The following HSPA12A variants were observed in gnomAD, a reference collection of about 807,000 sequenced individuals.
The protein encoded by HSPA12A is heat shock 70 kDa protein 12A.
HSPA12A carries 28 observed loss-of-function variants against 69.2 expected under a neutral mutation model. That is an observed-to-expected ratio of 0.40 (90% CI 0.30 to 0.55). The LOEUF is 0.55. Among genes scored for constraint, HSPA12A ranks in the 20% least tolerant of loss-of-function variants. HSPA12A has a pLI of 0.38. For missense variants in HSPA12A, 686 were observed against 900.7 expected (o/e 0.76, Z 3.05); for synonymous variants, 345 against 370.5 (o/e 0.93, Z 0.79).
chr10:116,808,438 G>A (rs1845110179), intron 2 of HSPA12A, among the ~76,000 whole-genome samples: 1 of 152,170 alleles, frequency 6.6e-6, no homozygotes, highest in Non-Finnish European at 1.5e-5. Context: ...GACCACGACT[G>A]TTTTGCAGTG....
intron 2 of HSPA12A, among the ~76,000 whole-genome samples, chr10:116,748,024 A>G (rs1851689175): frequency 6.6e-6 from 1 of 152,122 alleles, no homozygotes; most frequent in African/African-American, 2.4e-5. Flanking sequence ...TAAATAAATA[A>G]TGAAGTAGAA....
At chr10:116,834,654 C>T (rs900270626) in intron 2 of HSPA12A, among the ~76,000 whole-genome samples, 3 of 152,144 alleles carry the variant, frequency 2.0e-5, no homozygotes, top group Non-Finnish European at 4.4e-5. Flanking sequence ...ACAATCTGTG[C>T]GTGTGAGTGT....
chr10:116,721,675 G>A (rs149316708), intron 1 of HSPA12A, among the ~76,000 whole-genome samples: 58 of 151,888 alleles, frequency 3.8e-4, no homozygotes, highest in Non-Finnish European at 7.1e-4. Context: ...TCCCCTCCCC[G>A]GCACTGAAAT....
intron 1 of HSPA12A, among the ~76,000 whole-genome samples, chr10:116,732,957 G>A: frequency 6.6e-6 from 1 of 152,114 alleles, no homozygotes. Flanking sequence ...TTCCCCATCT[G>A]TAAAATGAGA....
chr10:116,694,014 C>T (rs1412938933), intron 5 of HSPA12A, among the ~76,000 whole-genome samples: 1 of 152,160 alleles, frequency 6.6e-6, no homozygotes, highest in Non-Finnish European at 1.5e-5. Flanking sequence ...TGGGAAGATT[C>T]TAAGCATGGC....
In HSPA12A at chr10:116,742,515, C is replaced by T. The variant is rs1554887361; in HGVS notation, c.-46G>A. ...CGAGGGGAGCCTCCAGCGCAGCGCC[C>T]GTGCCCGTGCGGGTCTCTGTCCGCG... is the stretch of plus-strand genomic sequence containing the variant. On this transcript the variant is annotated 5_prime_UTR_variant, in exon 1 of 12. Transcript: ENST00000369209. 15 of 1,231,542 alleles carry T rather than the reference C, an allele frequency of 1.2e-5. No homozygotes were observed. In the Middle Eastern group the frequency reaches 9.6e-4, roughly 79 times the overall value. 76.3% of individuals were successfully genotyped at this position (1,231,542 alleles called of 1,614,324 possible).
At chr10:116,693,379 C>T (rs1307512071) in intron 5 of HSPA12A, among the ~76,000 whole-genome samples, 1 of 152,188 alleles carries the variant, frequency 6.6e-6, no homozygotes, top group Non-Finnish European at 1.5e-5. Context: ...CGCTGGAGGA[C>T]TTCTTAGACT....
chr10:116,835,051 G>C (rs1845684304), intron 1 of HSPA12A: 1 of 1,207,634 alleles, frequency 8.3e-7, no homozygotes, highest in Non-Finnish European at 1.0e-6. Context: ...GAGTTGCACT[G>C]TGAAAATGTC....
Position 116,707,053 on chromosome 10 carries a change from C to T in HSPA12A, c.126+147G>A. 5 of 660,146 alleles carry T rather than the reference C, an allele frequency of 7.6e-6. No individual in the cohort carries two copies. In the South Asian group the frequency reaches 1.0e-4, roughly 13 times the overall value. 40.9% of individuals were successfully genotyped at this position (660,146 alleles called of 1,614,324 possible). A position where few individuals can be genotyped will look rare whatever the true frequency, so the allele number is the denominator to read the frequency against. On this transcript the variant is annotated intron_variant, in intron 2 of 11. Coordinates refer to ENST00000369209, the MANE Select transcript of HSPA12A (RefSeq NM_025015.3). Reference sequence around the variant, plus strand: ...AGGACCAGGTCAACTTAATCTCCAACCAGTGAATGTGAGGGGCTGTCCAGC... The same window carrying T: ...AGGACCAGGTCAACTTAATCTCCAATCAGTGAATGTGAGGGGCTGTCCAGC...
chr10:116,753,988 C>G (rs1418251494), intron 2 of HSPA12A, among the ~76,000 whole-genome samples: 1 of 152,220 alleles, frequency 6.6e-6, no homozygotes, highest in Non-Finnish European at 1.5e-5. Flanking sequence ...CCCAAGGGAG[C>G]CAGCCTCATG....
At chr10:116,802,836 G>A (rs1321303899) in intron 2 of HSPA12A, among the ~76,000 whole-genome samples, 1 of 152,234 alleles carries the variant, frequency 6.6e-6, no homozygotes, top group Non-Finnish European at 1.5e-5. Flanking sequence ...CAGAACATGA[G>A]CAGATGAGGT....
chr10:116,810,390 G>A (rs1845154208), intron 2 of HSPA12A, among the ~76,000 whole-genome samples: 1 of 152,158 alleles, frequency 6.6e-6, no homozygotes, highest in South Asian at 2.1e-4. Flanking sequence ...ATCAGTAGGT[G>A]TTAATCCCTC....
At chr10:116,811,599 A>C (rs1374726339) in intron 2 of HSPA12A, among the ~76,000 whole-genome samples, 2 of 151,706 alleles carry the variant, frequency 1.3e-5, no homozygotes, top group African/African-American at 4.8e-5. Context: ...AAAAAAAAAA[A>C]AAAAAAGATT....
intron 6 of HSPA12A, among the ~76,000 whole-genome samples, chr10:116,690,672 C>T (rs1317090991): frequency 2.0e-5 from 3 of 152,172 alleles, no homozygotes; most frequent in African/African-American, 7.2e-5. Context: ...ATTCCAACAA[C>T]CCCCAGGGAT....
At chr10:116,808,112 G>A (rs1170961702) in intron 2 of HSPA12A, among the ~76,000 whole-genome samples, 2 of 152,192 alleles carry the variant, frequency 1.3e-5, no homozygotes, top group East Asian at 3.8e-4. Flanking sequence ...TGGAAAGACT[G>A]AAGGTTTCAG....
chr10:116,850,071 T>G, upstream of HSPA12A: 1 of 458,134 alleles, frequency 2.2e-6, no homozygotes, highest in East Asian at 4.8e-5. Flanking sequence ...TGCTTGCCAA[T>G]TGTCATTTTT....
intron 2 of HSPA12A, among the ~76,000 whole-genome samples, chr10:116,793,602 C>T (rs1016905361): frequency 1.3e-5 from 2 of 151,672 alleles, no homozygotes; most frequent in African/African-American, 4.8e-5. Flanking sequence ...AAAAAAAACC[C>T]ACAGAATTAA....
At chr10:116,703,469 G>A (rs1850137615) in intron 3 of HSPA12A, among the ~76,000 whole-genome samples, 2 of 151,862 alleles carry the variant, frequency 1.3e-5, no homozygotes, top group Admixed American at 6.6e-5. Context: ...AGGAGTTTGA[G>A]GCTGCAGAGA....
In HSPA12A at chr10:116,811,830, A is replaced by G. The variant is rs1385103859; in HGVS notation, c.91+23105T>C. On this transcript the variant is annotated intron_variant, in intron 2 of 12. Transcript: ENST00000635765. ...CCGGTAGGTTTGTTGTGGTGTTTACATGTCTTAAAACATGGGAAGGGATTC... is the reference window on the plus strand; with the variant it reads ...CCGGTAGGTTTGTTGTGGTGTTTACGTGTCTTAAAACATGGGAAGGGATTC... Among the ~76,000 whole-genome samples the G allele has an allele frequency of 2.0e-5, 3 of 152,178 alleles. No homozygotes were observed. The East Asian group carries it at 5.8e-4, about 29-fold the overall frequency.
Sources: gnomAD v4.1 joint callset for allele counts (sites outside exome capture counted in the v4.1 genomes callset) on GRCh38, gnomAD v4.1.1 for gene constraint, MANE v1.5 for transcripts, NCBI Gene and HGNC (gene_info 2026-07-23, HGNC 2026-07-21) for gene names.